The following AFAP1 variants were observed in gnomAD, a reference collection of about 807,000 sequenced individuals.
AFAP1 encodes actin filament-associated protein 1.
In AFAP1, 75 loss-of-function variants were observed where a neutral mutation model predicts 93.9. The observed-to-expected ratio is 0.80, with a 90% confidence interval of 0.66 to 0.97. The LOEUF is 0.97. AFAP1 is among the 50% of genes least tolerant of loss of function. The pLI, the probability that AFAP1 is intolerant of heterozygous loss-of-function variation, is 0.00. For synonymous variants in AFAP1, 517 were observed against 430.7 expected, an observed-to-expected ratio of 1.20 and a Z score of -2.48; for missense variants, 1,201 against 1,050.8, an observed-to-expected ratio of 1.14 and a Z score of -1.98.
intron 3 of AFAP1, among the ~76,000 whole-genome samples, chr4:7,863,418 A>G (rs538456686): frequency 6.6e-6 from 1 of 151,920 alleles, no homozygotes; most frequent in East Asian, 1.9e-4. Flanking sequence ...GACTGCCAAG[A>G]AAGAACGAAA....
chr4:7,788,105 G>A (rs1717487123), intron 11 of AFAP1, among the ~76,000 whole-genome samples: 1 of 152,248 alleles, frequency 6.6e-6, no homozygotes, highest in Non-Finnish European at 1.5e-5. Context: ...GGCACACACA[G>A]GGGTCCTCAC....
At chr4:7,765,722 TGGAGGACAGCAGAA>T in intron 17 of AFAP1, among the ~76,000 whole-genome samples, 1 of 152,240 alleles carries the variant, frequency 6.6e-6, no homozygotes, top group Non-Finnish European at 1.5e-5. Context: ...TGGATGGCTC[TGGAGGACAGCAGAA>T]GGCACAGACG....
Position 7,838,552 on chromosome 4 carries a change from C to T in AFAP1, c.698G>A (p.Ser233Asn), listed in dbSNP as rs1437187758. 2 of 1,613,906 alleles carry T rather than the reference C, an allele frequency of 1.2e-6. No individual in the cohort carries two copies. Among genetic ancestry groups the T allele is most frequent in the African/African-American group, 1.3e-5 (1 of 74,902 alleles). Residue 233 changes from serine to asparagine, a missense_variant, in exon 6 of 18, where the codon AGC becomes AAC. Transcript: ENST00000420658. ...CAGCCACTGCTCGGCCTGTTCCTTGCTCTGGACGGCGAGAACAAGCGGGTC... is the reference window on the plus strand; with the variant it reads ...CAGCCACTGCTCGGCCTGTTCCTTGTTCTGGACGGCGAGAACAAGCGGGTC... Reference protein sequence around the residue: ...GTDPLVLAVQSKEQAEQWLKV... With the variant: ...GTDPLVLAVQNKEQAEQWLKV...
chr4:7,924,763 CCAGCCAGGCTAGCACAT>C (rs1720638100), intron 1 of AFAP1, among the ~76,000 whole-genome samples: 2 of 152,164 alleles, frequency 1.3e-5, no homozygotes, highest in African/African-American at 4.8e-5. Flanking sequence ...AGCCAGGAGG[CCAGCCAGGCTAGCACAT>C]CAGACAGGAA....
Position 7,800,558 on chromosome 4 carries a change from T to C in AFAP1, c.1150A>G (p.Lys384Glu). ...LIFHKDRTDL[K>E]THIVSIPLRG... ...AGCGGAATAGACACAATATGGGTCT[T>C]CAGGTCGGTCCTGTCCTTGTGGAAA... Residue 384 changes from lysine (K) to glutamate (E), a missense_variant, in exon 10 of 18, where the codon AAG becomes GAG. By Grantham distance (56) the Lys-to-Glu change is moderately conservative. Coordinates refer to ENST00000420658, the MANE Select transcript of AFAP1 (RefSeq NM_001134647.2). 1 of 1,614,204 alleles carries C rather than the reference T, an allele frequency of 6.2e-7. No homozygotes were observed. The highest frequency in any genetic ancestry group is 8.5e-7 in the Non-Finnish European group (1 of 1,180,032).
chr4:7,814,135 C>G (rs928822971), intron 8 of AFAP1, among the ~76,000 whole-genome samples: 3 of 152,172 alleles, frequency 2.0e-5, no homozygotes, highest in Non-Finnish European at 4.4e-5. Context: ...TGATAAAGGA[C>G]TTGTATTCAG....
intron 3 of AFAP1, among the ~76,000 whole-genome samples, chr4:7,864,093 C>T (rs62289327): frequency 2.2e-3 from 14 of 6,500 alleles, no homozygotes; most frequent in African/African-American, 5.9e-3. Context: ...CCATCACAAC[C>T]CATTCCCAAC....
chr4:7,883,352 T>C (rs938799863), intron 1 of AFAP1, among the ~76,000 whole-genome samples: 1 of 152,214 alleles, frequency 6.6e-6, no homozygotes, highest in Admixed American at 6.5e-5. Flanking sequence ...TTTAAGTCAA[T>C]ACACTTGGAA....
intron 1 of AFAP1, among the ~76,000 whole-genome samples, chr4:7,890,398 A>T (rs1436091821): frequency 1.3e-5 from 2 of 152,240 alleles, no homozygotes; most frequent in African/African-American, 4.8e-5. Flanking sequence ...TCAGACCTAA[A>T]CATAAAAGAT....
At chr4:7,915,039 C>T (rs895448319) in intron 1 of AFAP1, among the ~76,000 whole-genome samples, 16 of 152,216 alleles carry the variant, frequency 1.1e-4, no homozygotes, top group Middle Eastern at 6.8e-3. Flanking sequence ...CGTGATCCAC[C>T]GACCCAGCTA....
intron 6 of AFAP1, among the ~76,000 whole-genome samples, chr4:7,826,441 C>A (rs536583748): frequency 1.1e-4 from 16 of 152,344 alleles, no homozygotes; most frequent in African/African-American, 3.6e-4. Context: ...CAGCTGGAGA[C>A]AGAGCACAGC....
intron 11 of AFAP1, among the ~76,000 whole-genome samples, chr4:7,792,801 TTA>T (rs1404131588): frequency 2.0e-5 from 3 of 152,204 alleles, no homozygotes; most frequent in South Asian, 2.1e-4. Flanking sequence ...GTCATCATTT[TTA>T]CTGCTTCCTC....
rs919209491 is a variant in AFAP1 at position 7,798,108 on chromosome 4, TC to T, written c.1266+2333del. ...ATTGGCTGGCTCACGGCATTGCAAC[TC>T]TATTGGCTGGCTCACAGCACTGCAA... is the stretch of plus-strand genomic sequence containing the variant. On this transcript the variant is annotated intron_variant, in intron 10 of 17. Coordinates refer to ENST00000420658, the MANE Select transcript of AFAP1 (RefSeq NM_001134647.2). Among the ~76,000 whole-genome samples the T allele has an allele frequency of 2.6e-4, 28 of 108,932 alleles. 1 individual carries two copies. Among genetic ancestry groups the T allele is most frequent in the African/African-American group, 8.4e-4 (25 of 29,810 alleles). 71.5% of individuals were successfully genotyped at this position (108,932 alleles called of 152,430 possible). A position where few individuals can be genotyped will look rare whatever the true frequency, so the allele number is the denominator to read the frequency against.
rs145550619 is a variant in AFAP1, at chr4:7,868,643, C to T, written c.204G>A (p.Pro68=). Residue 68 remains proline, a synonymous_variant, in exon 3 of 18, where the codon CCG becomes CCA. Coordinates refer to ENST00000420658, the MANE Select transcript of AFAP1 (RefSeq NM_001134647.2). ...SLPAPPQMPL[P]EIPQPWLPPD... is the part of the protein sequence containing the mutation. ...TCACCAGCCAGGGCTGAGGGATCTC[C>T]GGCAGGGGCATCTGAGGAGGGGCTG... 19 of 1,612,266 alleles carry T rather than the reference C, an allele frequency of 1.2e-5. No individual in the cohort carries two copies. The highest frequency in any genetic ancestry group is 6.7e-5 in the African/African-American group (5 of 74,862).
chr4:7,799,197 C>G, intron 10 of AFAP1: 2 of 552,690 alleles, frequency 3.6e-6, no homozygotes, highest in Non-Finnish European at 4.6e-6. Context: ...CCAAGCCCAT[C>G]TGAGCCCAGC....
chr4:7,834,391 CT>C (rs1712023458), intron 6 of AFAP1, among the ~76,000 whole-genome samples: 1 of 152,202 alleles, frequency 6.6e-6, no homozygotes, highest in African/African-American at 2.4e-5. Context: ...GGATAAAAGA[CT>C]ACCAACTGGG....
In AFAP1 at chr4:7,843,148, G is replaced by C. The variant is rs762121873; in HGVS notation, c.537C>G (p.Thr179=). ...ATTCCAAATGTCTTACCAGCAGTTTGGTGTCTTTGATGACGCAGAGCAACT... is the reference window on the plus strand; with the variant it reads ...ATTCCAAATGTCTTACCAGCAGTTTCGTGTCTTTGATGACGCAGAGCAACT... ...WTKLLCVIKD[T]KLLCYKSSKD... The change falls in exon 5 of 18, where the codon ACC becomes ACG. Residue 179 remains threonine (T), a synonymous_variant. Transcript: ENST00000420658. 3 of 1,613,956 alleles carry C rather than the reference G, an allele frequency of 1.9e-6. No homozygotes were observed. Among genetic ancestry groups the C allele is most frequent in the African/African-American group, 1.3e-5 (1 of 75,038 alleles).
intron 6 of AFAP1, among the ~76,000 whole-genome samples, chr4:7,822,586 C>T (rs201164112): frequency 6.0e-5 from 8 of 132,564 alleles, no homozygotes; most frequent in African/African-American, 8.8e-5. Context: ...TTTCTTTTTT[C>T]TTTTTTTTTT....
chr4:7,877,157 A>G (rs536761227), intron 1 of AFAP1, among the ~76,000 whole-genome samples: 91 of 152,292 alleles, frequency 6.0e-4, no homozygotes, highest in Admixed American at 9.2e-4. Context: ...GGTTAAAGGC[A>G]GGTGTCATCC....
Sources: allele counts gnomAD v4.1 joint callset (sites outside exome capture counted in the v4.1 genomes callset), GRCh38; gene constraint gnomAD v4.1.1; transcripts MANE v1.5; gene names NCBI Gene and HGNC (gene_info 2026-07-23, HGNC 2026-07-21).